The following NELL1 variants were observed in gnomAD, a reference collection of about 807,000 sequenced individuals.
NELL1 encodes protein kinase C-binding protein NELL1.
A neutral mutation model predicts 107.4 loss-of-function variants in NELL1; 76 were observed. The observed-to-expected ratio is 0.71, with a 90% CI of 0.59 to 0.86. NELL1 has a LOEUF of 0.86. NELL1 is among the 40% of genes least tolerant of loss of function. The pLI is 0.00. For missense variants in NELL1, 1,024 were observed against 1,005.5 expected (o/e 1.02, Z -0.25); for synonymous variants, 353 against 341.2 (o/e 1.03, Z -0.38).
chr11:21,353,719 A>T (rs971462608), intron 14 of NELL1, among the ~76,000 whole-genome samples: 8 of 152,166 alleles, frequency 5.3e-5, no homozygotes, highest in African/African-American at 1.4e-4. Flanking sequence ...GGTCGAATAT[A>T]TGCTTTTGAA....
At chr11:21,566,088 A>G (rs1274846838) in intron 17 of NELL1, among the ~76,000 whole-genome samples, 1 of 151,964 alleles carries the variant, frequency 6.6e-6, no homozygotes, top group Non-Finnish European at 1.5e-5. Context: ...CTGCCATTGC[A>G]GTGTGAAAAA....
chr11:20,904,205 TAATA>T (rs952572318), intron 5 of NELL1, among the ~76,000 whole-genome samples: 13 of 149,802 alleles, frequency 8.7e-5, no homozygotes, highest in African/African-American at 3.0e-4. Context: ...ACTTAAAGTA[TAATA>T]AATAAATAAA....
chr11:20,870,444 C>CTATCTT (rs11280653), intron 4 of NELL1, among the ~76,000 whole-genome samples: 98,007 of 151,074 alleles, frequency 0.65, 34,380 homozygotes, highest in Non-Finnish European at 0.78. Context: ...TCTCTGGCAA[C>CTATCTT]TAATTTATAT....
At chr11:20,686,743 G>A (rs1227701076) in intron 2 of NELL1, among the ~76,000 whole-genome samples, 1 of 152,124 alleles carries the variant, frequency 6.6e-6, no homozygotes. Flanking sequence ...AAACTTTCAG[G>A]TGGAATTTAC....
At chr11:21,255,621 G>C (rs944519725) in intron 14 of NELL1, among the ~76,000 whole-genome samples, 3 of 152,082 alleles carry the variant, frequency 2.0e-5, no homozygotes, top group African/African-American at 7.2e-5. Flanking sequence ...TAATCAGCCT[G>C]TGTCTCCTCT....
intron 14 of NELL1, among the ~76,000 whole-genome samples, chr11:21,334,202 A>G (rs1850334894): frequency 3.9e-5 from 6 of 152,048 alleles, no homozygotes; most frequent in Admixed American, 3.9e-4. Flanking sequence ...ACATAGGTAT[A>G]ATGAATGCTA....
At chr11:21,115,415 C>G (rs1247089255) in intron 13 of NELL1, among the ~76,000 whole-genome samples, 1 of 150,980 alleles carries the variant, frequency 6.6e-6, no homozygotes, top group African/African-American at 2.4e-5. Context: ...AGAGGGAACA[C>G]AAAAGACAGA....
intron 3 of NELL1, among the ~76,000 whole-genome samples, chr11:20,815,364 G>A (rs979827136): frequency 2.6e-5 from 4 of 152,170 alleles, no homozygotes; most frequent in Non-Finnish European, 5.9e-5. Flanking sequence ...GGGATTACAA[G>A]CATAAGCCAC....
intron 2 of NELL1, among the ~76,000 whole-genome samples, chr11:20,716,991 T>A (rs1256286061): frequency 6.6e-6 from 1 of 152,232 alleles, no homozygotes; most frequent in Non-Finnish European, 1.5e-5. Context: ...GTTCATTAGT[T>A]TGAACTACTG....
chr11:20,971,046 C>T (rs554909098), intron 12 of NELL1, among the ~76,000 whole-genome samples: 7 of 152,218 alleles, frequency 4.6e-5, no homozygotes, highest in African/African-American at 9.6e-5. Context: ...CCCAAACTCT[C>T]GCAGTCAGGC....
intron 2 of NELL1, among the ~76,000 whole-genome samples, chr11:20,729,582 G>T (rs1044020074): frequency 1.3e-5 from 2 of 152,130 alleles, no homozygotes; most frequent in African/African-American, 4.8e-5. Flanking sequence ...TAAAAATTCT[G>T]TTTGTGTGGT....
At chr11:20,793,381 GTTTTCTTC>G (rs1857111467) in intron 3 of NELL1, among the ~76,000 whole-genome samples, 1 of 151,848 alleles carries the variant, frequency 6.6e-6, no homozygotes, top group African/African-American at 2.4e-5. Context: ...TGATATGTGT[GTTTTCTTC>G]TTTTCTTGGC....
intron 13 of NELL1, among the ~76,000 whole-genome samples, chr11:21,220,825 T>A (rs1565117255): frequency 6.6e-6 from 1 of 152,186 alleles, no homozygotes; most frequent in Admixed American, 6.5e-5. Context: ...AGAGGGCAAT[T>A]TGACTTCCTT....
At chr11:20,772,558 T>G (rs560817706) in intron 2 of NELL1, among the ~76,000 whole-genome samples, 1 of 152,236 alleles carries the variant, frequency 6.6e-6, no homozygotes, top group Non-Finnish European at 1.5e-5. Context: ...ATGGGCATTT[T>G]TTTAAAGCAT....
intron 4 of NELL1, among the ~76,000 whole-genome samples, chr11:20,881,292 T>C (rs1233083593): frequency 6.6e-6 from 1 of 152,224 alleles, no homozygotes; most frequent in Non-Finnish European, 1.5e-5. Flanking sequence ...TTCTACCAAA[T>C]TATTTACTGT....
chr11:21,229,561 T>C lies in NELL1; in HGVS notation c.1549+107T>C. ...AACTCTTGGTGGAACACAGCCAGGGTTCCTGCTCCTGGTTTATCAACTGGC... is the reference window on the plus strand; with the variant it reads ...AACTCTTGGTGGAACACAGCCAGGGCTCCTGCTCCTGGTTTATCAACTGGC... On this transcript the variant is annotated intron_variant, in intron 14 of 19. Transcript: ENST00000357134. 2.8e-6 allele frequency: 4 copies of C among 1,449,124 alleles called. No individual in the cohort carries two copies. In the African/African-American group the frequency reaches 5.6e-5, roughly 20 times the overall value. The allele number at this position is 1,449,124 out of a possible 1,614,324, so 89.8% of individuals were successfully genotyped here. A position where few individuals can be genotyped will look rare whatever the true frequency, so the allele number is the denominator to read the frequency against.
chr11:20,905,432 A>C lies in NELL1; in HGVS notation c.604-12750A>C, dbSNP rs533161250. On this transcript the variant is annotated intron_variant, in intron 5 of 19. Transcript: ENST00000357134. The stretch of plus-strand genomic sequence containing the variant: ...CAAAGGAACAAAATAAATGAATAGA[A>C]ACTATTCCTGAGGAAGCACAGATGT... 4.6e-5 allele frequency among the ~76,000 whole-genome samples: 7 copies of C among 152,292 alleles called. No individual in the cohort carries two copies. In the South Asian group the frequency reaches 1.2e-3, roughly 27 times the overall value.
At chr11:21,092,235 TTAG>T (rs1267635894) in intron 12 of NELL1, among the ~76,000 whole-genome samples, 1 of 152,116 alleles carries the variant, frequency 6.6e-6, no homozygotes, top group Non-Finnish European at 1.5e-5. Flanking sequence ...ATATTCATGG[TTAG>T]TAGAAGGACA....
chr11:20,807,406 A>T lies in NELL1; in HGVS notation c.335+23576A>T, dbSNP rs539860109. ...CTTCCCTTATTTTCTCCCCCAAAAA[A>T]CAGAGTCTCTCTCTCTCTGTTCTGA... On this transcript the variant is annotated intron_variant, in intron 3 of 19. Coordinates refer to ENST00000357134, the MANE Select transcript of NELL1 (RefSeq NM_006157.5). Among the ~76,000 whole-genome samples the T allele has an allele frequency of 2.0e-5, 3 of 152,182 alleles. No homozygotes were observed. In the East Asian group the frequency reaches 5.8e-4, roughly 29 times the overall value.
Sources: gnomAD v4.1 joint callset for allele counts (sites outside exome capture counted in the v4.1 genomes callset) on GRCh38, gnomAD v4.1.1 for gene constraint, MANE v1.5 for transcripts, NCBI Gene and HGNC (gene_info 2026-07-23, HGNC 2026-07-21) for gene names.